Variants in ATP6V0A1 observed in about 807,000 individuals in gnomAD.
The protein encoded by ATP6V0A1 is V-type proton ATPase 116 kDa subunit a 1.
ATP6V0A1 carries 43 observed loss-of-function variants against 105.4 expected under a neutral mutation model. The observed-to-expected ratio is 0.41, with a 90% CI of 0.32 to 0.53. The LOEUF (loss-of-function observed/expected upper bound fraction) is 0.53, where lower values mean the gene tolerates loss of function less well. ATP6V0A1 is among the 20% of genes least tolerant of loss of function. The probability of loss-of-function intolerance (pLI) is 0.30; values close to 1 mark genes in which losing one functional copy is unlikely to be tolerated. For synonymous variants in ATP6V0A1, 362 were observed against 372.8 expected, an observed-to-expected ratio of 0.97 and a Z score of 0.33; for missense variants, 676 against 1,051.1, an observed-to-expected ratio of 0.64 and a Z score of 4.93.
intron 4 of ATP6V0A1, among the ~76,000 whole-genome samples, chr17:42,469,093 C>G (rs938046926): frequency 1.3e-5 from 2 of 152,138 alleles, no homozygotes; most frequent in Non-Finnish European, 2.9e-5. Context: ...AGCAATCTGC[C>G]TGCCTCAGCC....
At chr17:42,499,510 G>T (rs139253584) in intron 15 of ATP6V0A1, among the ~76,000 whole-genome samples, 1 of 151,476 alleles carries the variant, frequency 6.6e-6, no homozygotes, top group Non-Finnish European at 1.5e-5. Context: ...TGGTCTGGCC[G>T]GGTGCAGTGG....
rs1188209429 is a variant in ATP6V0A1, at chr17:42,480,689, T to C, written c.656T>C (p.Val219Ala). 1 of 1,613,912 alleles carries C rather than the reference T, an allele frequency of 6.2e-7. No homozygotes were observed. The highest frequency in any genetic ancestry group is 2.2e-5 in the East Asian group (1 of 44,862). The change falls in exon 8 of 22, where the codon GTG (valine) becomes GCG (alanine). Residue 219 changes from valine (V) to alanine (A), a missense_variant. Transcript: ENST00000343619. The stretch of plus-strand genomic sequence containing the variant: ...TAGGGCGACTACGTGCACAAGTCTG[T>C]GTTTATCATTTTCTTCCAAGGCGAT... ...PVTGDYVHKSVFIIFFQGDQL... is the reference protein window; with the variant it reads ...PVTGDYVHKSAFIIFFQGDQL...
At chr17:42,500,657 G>A in intron 15 of ATP6V0A1, 50 bp from the exon 16 acceptor site, 1 of 1,435,808 alleles carries the variant, frequency 7.0e-7, no homozygotes, top group Non-Finnish European at 9.8e-7. Context: ...CAGTGTAGGA[G>A]TGGCCCTAGG....
chr17:42,470,806 T>C (rs2087796251), intron 5 of ATP6V0A1: 1 of 153,502 alleles, frequency 6.5e-6, no homozygotes, highest in Non-Finnish European at 1.4e-5. Context: ...GAGGGAAAAA[T>C]GTTAGTAAAG....
intron 5 of ATP6V0A1, among the ~76,000 whole-genome samples, chr17:42,473,613 AT>A (rs1162698565): frequency 6.6e-6 from 1 of 151,874 alleles, no homozygotes; most frequent in Non-Finnish European, 1.5e-5. Context: ...CCCTGTCCCC[AT>A]TTTTTTCCCT....
At chr17:42,474,911 C>A (rs942147776) in intron 5 of ATP6V0A1, among the ~76,000 whole-genome samples, 4 of 152,176 alleles carry the variant, frequency 2.6e-5, no homozygotes, top group African/African-American at 9.7e-5. Flanking sequence ...TTGACTTAGT[C>A]ATTTCTTATC....
intron 11 of ATP6V0A1, among the ~76,000 whole-genome samples, chr17:42,491,831 A>C (rs929747044): frequency 6.0e-5 from 9 of 150,510 alleles, no homozygotes; most frequent in Non-Finnish European, 1.3e-4. Context: ...GTTAGCCAGG[A>C]TGGTCTCGAT....
intron 2 of ATP6V0A1, among the ~76,000 whole-genome samples, chr17:42,462,250 T>C (rs949575679): frequency 1.3e-5 from 2 of 151,766 alleles, no homozygotes; most frequent in African/African-American, 4.8e-5. Flanking sequence ...GGGGGAGTAT[T>C]ATAATGACCA....
intron 5 of ATP6V0A1, among the ~76,000 whole-genome samples, chr17:42,475,127 T>G (rs113850622): frequency 6.6e-6 from 1 of 152,210 alleles, no homozygotes; most frequent in Non-Finnish European, 1.5e-5. Flanking sequence ...TCCATCTGCT[T>G]TCTTTATTTT....
At chr17:42,506,894 G>A (rs945641684) in intron 17 of ATP6V0A1, among the ~76,000 whole-genome samples, 5 of 152,290 alleles carry the variant, frequency 3.3e-5, no homozygotes, top group Middle Eastern at 3.4e-3. Flanking sequence ...GCTGTCTGCT[G>A]AAGAAAAGGA....
At chr17:42,501,069 A>G in intron 16 of ATP6V0A1, 128 bp from the exon 17 acceptor site, 1 of 1,163,790 alleles carries the variant, frequency 8.6e-7, no homozygotes, top group Non-Finnish European at 1.2e-6. Flanking sequence ...ATTTTGAGAA[A>G]TTGGATAGTG....
rs780928938 is a variant in ATP6V0A1, at chr17:42,466,488, A to G, written c.177A>G (p.Glu59=). The part of the protein sequence containing the change: ...RKFVNEVRRC[E]EMDRKLRFVE... ...TTGTGAATGAAGTTAGAAGATGTGA[A>G]GAAATGGATCGAAAGCTTCGTATGT... Residue 59 remains glutamate, a synonymous_variant, in exon 3 of 22, where the codon GAA becomes GAG. Coordinates refer to ENST00000343619, the MANE Select transcript of ATP6V0A1 (RefSeq NM_001130021.3). The G allele has an allele frequency of 6.2e-7, 1 of 1,613,236 alleles. No individual in the cohort carries two copies. Among genetic ancestry groups the G allele is most frequent in the Non-Finnish European group, 8.5e-7 (1 of 1,179,294 alleles).
At chr17:42,498,688 T>C (rs1431846693) in intron 14 of ATP6V0A1, among the ~76,000 whole-genome samples, 1 of 152,020 alleles carries the variant, frequency 6.6e-6, no homozygotes, top group African/African-American at 2.4e-5. Flanking sequence ...TAGCTGGGCG[T>C]GGTGGCAGGC....
At chr17:42,520,352 C>G (rs1305414093) in intron 21 of ATP6V0A1, 1 of 443,194 alleles carries the variant, frequency 2.3e-6, no homozygotes, top group South Asian at 1.6e-5. Flanking sequence ...TCCCACCCTC[C>G]CTGAGAGTGA....
chr17:42,493,907 A>G (rs1413168229), intron 11 of ATP6V0A1, among the ~76,000 whole-genome samples: 1 of 152,194 alleles, frequency 6.6e-6, no homozygotes, highest in Non-Finnish European at 1.5e-5. Context: ...TGAGAGTCCT[A>G]TCTGTCTGGC....
At chr17:42,469,223 C>T (rs1425132662) in intron 4 of ATP6V0A1, among the ~76,000 whole-genome samples, 1 of 151,948 alleles carries the variant, frequency 6.6e-6, no homozygotes, top group Non-Finnish European at 1.5e-5. Flanking sequence ...ATTATTTTAT[C>T]CATCTGAAAT....
At chr17:42,486,046 G>A (rs2090076077) in intron 9 of ATP6V0A1, among the ~76,000 whole-genome samples, 1 of 152,190 alleles carries the variant, frequency 6.6e-6, no homozygotes, top group South Asian at 2.1e-4. Flanking sequence ...CTATGATGGA[G>A]ACTTGTGCTT....
At chr17:42,466,292 T>A in intron 2 of ATP6V0A1, 137 bp from the exon 3 acceptor site, 1 of 623,450 alleles carries the variant, frequency 1.6e-6, no homozygotes, top group South Asian at 2.4e-5. Context: ...TTTTTTTGGA[T>A]CAGTAGACAG....
At chr17:42,497,961 A>T (rs1451079663) in intron 14 of ATP6V0A1, among the ~76,000 whole-genome samples, 1 of 144,770 alleles carries the variant, frequency 6.9e-6, no homozygotes, top group African/African-American at 2.6e-5. Context: ...AAAAAGCCTT[A>T]CTGGCCGGGC....
Sources: gnomAD v4.1 joint callset for allele counts (sites outside exome capture counted in the v4.1 genomes callset) on GRCh38, gnomAD v4.1.1 for gene constraint, MANE v1.5 for transcripts, NCBI Gene and HGNC (gene_info 2026-07-23, HGNC 2026-07-21) for gene names.